PARP15: variants seen among roughly 807,000 people sequenced by gnomAD.
PARP15 encodes the protein poly(ADP-ribose) polymerase family member 15, also known as protein mono-ADP-ribosyltransferase PARP15.
A neutral mutation model predicts 62.1 loss-of-function variants in PARP15; 50 were observed. The observed-to-expected ratio is 0.81, with a 90% CI of 0.64 to 1.02. PARP15 has a LOEUF of 1.02. Ranked by LOEUF, PARP15 falls within the 50% of genes least tolerant of loss-of-function variation. PARP15 has a pLI of 0.00. For synonymous variants in PARP15, 309 were observed against 293.1 expected (o/e 1.05, Z -0.55); for missense variants, 820 against 826.5 (o/e 0.99, Z 0.10).
chr3:122,598,495 T>C (rs1163077874), intron 1 of PARP15, among the ~76,000 whole-genome samples: 1 of 151,692 alleles, frequency 6.6e-6, no homozygotes, highest in East Asian at 1.9e-4. Context: ...TTTGAGGGCC[T>C]CTCCATAGGG....
rs140979534 is a variant in PARP15, at chr3:122,588,778, G to A, written c.186+10925G>A. Among the ~76,000 whole-genome samples, 159 of 152,204 alleles carry A rather than the reference G, an allele frequency of 1.0e-3. 3 individuals carry two copies. The East Asian group carries it at 0.03, about 29-fold the overall frequency. On this transcript the variant is annotated intron_variant, in intron 1 of 11. Transcript: ENST00000464300. Reference sequence around the variant, plus strand: ...TCTGGTAACCACTACTATACTTTCTGTCTTCATGGATTTATATATTCTGGA... The same window carrying A: ...TCTGGTAACCACTACTATACTTTCTATCTTCATGGATTTATATATTCTGGA...
rs1937371021 is a variant in PARP15 at position 122,636,338 on chromosome 3, C to T, written c.*238C>T. 2.1e-6 allele frequency: 1 copy of T among 478,034 alleles called. No homozygotes were observed. Among genetic ancestry groups the T allele is most frequent in the African/African-American group, 1.9e-5 (1 of 51,936 alleles). The allele number at this position is 478,034 out of a possible 1,614,324, so 29.6% of individuals were successfully genotyped here. A position where few individuals can be genotyped will look rare whatever the true frequency, so the allele number is the denominator to read the frequency against. On this transcript the variant is annotated 3_prime_UTR_variant, in exon 12 of 12. Coordinates refer to ENST00000464300, the MANE Select transcript of PARP15 (RefSeq NM_001113523.3). ...TAAATGTCACAGAGCTACAACCATTCACAGACACCAAATCTCTAGGAGAAT... is the reference window on the plus strand; with the variant it reads ...TAAATGTCACAGAGCTACAACCATTTACAGACACCAAATCTCTAGGAGAAT...
At position 122,638,146 on chromosome 3, in the gene PARP15, T is replaced by C. The variant is rs1253238693; in HGVS notation, c.*2046T>C. The C allele has an allele frequency of 1.3e-5, 2 of 152,106 alleles. No individual in the cohort carries two copies. Among genetic ancestry groups the C allele is most frequent in the Admixed American group, 1.3e-4 (2 of 15,278 alleles). 9.4% of individuals were successfully genotyped at this position (152,106 alleles called of 1,614,324 possible). The stretch of plus-strand genomic sequence containing the variant: ...ACATGAACTCATCATTTTTTATGGC[T>C]GCATAGTATTCCATGGTGTATATGT... On this transcript the variant is annotated 3_prime_UTR_variant, in exon 12 of 12. Coordinates refer to ENST00000464300, the MANE Select transcript of PARP15 (RefSeq NM_001113523.3).
chr3:122,618,878 A>G (rs1936158247), intron 6 of PARP15, among the ~76,000 whole-genome samples: 1 of 152,150 alleles, frequency 6.6e-6, no homozygotes, highest in Admixed American at 6.5e-5. Context: ...TCTTGCATAG[A>G]GCTTCTAAGC....
At chr3:122,607,895 A>G (rs1172465627) in intron 2 of PARP15, among the ~76,000 whole-genome samples, 1 of 152,166 alleles carries the variant, frequency 6.6e-6, no homozygotes, top group African/African-American at 2.4e-5. Flanking sequence ...GTTTCGGTAC[A>G]CACCACTCCC....
intron 8 of PARP15, among the ~76,000 whole-genome samples, chr3:122,624,434 T>C (rs1381770108): frequency 6.6e-6 from 1 of 152,322 alleles, no homozygotes; most frequent in Admixed American, 6.5e-5. Context: ...AGGCAGCCTC[T>C]CTGCTCTGGG....
intron 1 of PARP15, among the ~76,000 whole-genome samples, chr3:122,597,533 A>G (rs1303419585): frequency 1.3e-5 from 2 of 152,140 alleles, no homozygotes; most frequent in Non-Finnish European, 2.9e-5. Flanking sequence ...AAGTGCTGGG[A>G]TTACAGATGT....
chr3:122,610,313 A>G (rs2173763), intron 2 of PARP15, among the ~76,000 whole-genome samples, 181 bp from the exon 3 acceptor site: 32,992 of 152,158 alleles, frequency 0.22, 7,317 homozygotes, highest in African/African-American at 0.57. Flanking sequence ...TTTTGGAAGT[A>G]ACCTCATCAT....
chr3:122,615,798 C>T lies in PARP15; in HGVS notation c.791C>T (p.Thr264Ile), dbSNP rs762604230. ...TTCCAGGCATTTTTAGATGAATTCACTAACTGGTCAAGAATAAATCCCAAC... is the reference window on the plus strand; with the variant it reads ...TTCCAGGCATTTTTAGATGAATTCATTAACTGGTCAAGAATAAATCCCAAC... ...EGCQAFLDEF[T>I]NWSRINPNKA... is the part of the protein sequence containing the mutation. The change falls in exon 5 of 12, where the codon ACT becomes ATT. Residue 264 changes from threonine (T) to isoleucine (I), a missense_variant. Transcript: ENST00000464300. The T allele has an allele frequency of 9.9e-6, 16 of 1,613,376 alleles. No individual in the cohort carries two copies. Among genetic ancestry groups the T allele is most frequent in the Non-Finnish European group, 1.4e-5 (16 of 1,179,376 alleles).
At position 122,621,562 on chromosome 3, in the gene PARP15, G is replaced by C; in HGVS notation, c.1182G>C (p.Glu394Asp). 6.2e-7 allele frequency: 1 copy of C among 1,613,302 alleles called. No homozygotes were observed. Among genetic ancestry groups the C allele is most frequent in the Non-Finnish European group, 8.5e-7 (1 of 1,179,774 alleles). Residue 394 changes from glutamate to aspartate, a missense_variant, in exon 8 of 12, where the codon GAG becomes GAC. Glu to Asp is a conservative substitution (Grantham distance 45). Around this residue, in one of 3 missense-constraint regions of PARP15, gnomAD observed 731 missense variants for 727.7 expected, o/e 1.00. Transcript: ENST00000464300. ...VRKTVTSVLE[E>D]CEQRKYTSVS... is the part of the protein sequence containing the mutation. ...AAACGGTCACCAGTGTTCTAGAAGA[G>C]TGTGAACAGAGGAAGTACACATCGG...
In PARP15 at chr3:122,638,768, GT is replaced by G. The variant is rs1181953094; in HGVS notation, c.*2669del. ...TGTAGGTTGCCTGTTCACTCTGATG[GT>G]AGTTTCTTTTGTTGTACAGAAGCTC... On this transcript the variant is annotated 3_prime_UTR_variant, in exon 12 of 12. Transcript: ENST00000464300. 6.6e-6 allele frequency: 1 copy of G among 151,972 alleles called. No individual in the cohort carries two copies. Among genetic ancestry groups the G allele is most frequent in the Non-Finnish European group, 1.5e-5 (1 of 67,996 alleles). The allele number at this position is 151,972 out of a possible 1,614,324, so 9.4% of individuals were successfully genotyped here.
intron 8 of PARP15, among the ~76,000 whole-genome samples, chr3:122,623,233 C>G (rs1936465912): frequency 1.3e-5 from 2 of 152,218 alleles, no homozygotes; most frequent in Admixed American, 1.3e-4. Flanking sequence ...CAAATTACAG[C>G]TCTCACAAAC....
chr3:122,610,413 C>A, intron 2 of PARP15, 81 bp from the exon 3 acceptor site: 1 of 1,268,514 alleles, frequency 7.9e-7, no homozygotes, highest in Non-Finnish European at 1.1e-6. Context: ...GTACATTACC[C>A]CACAATACTT....
At chr3:122,605,069 A>C (rs900850092) in intron 1 of PARP15, among the ~76,000 whole-genome samples, 10 of 151,866 alleles carry the variant, frequency 6.6e-5, no homozygotes, top group African/African-American at 2.2e-4. Context: ...AAGAAAGTAA[A>C]GGAAACTGGT....
Position 122,610,705 on chromosome 3 carries a change from A to G in PARP15, c.518A>G (p.Asn173Ser). Reference sequence around the variant, plus strand: ...CTCCATGCTGTGGCTCCATACTGGAATAATGGAGCAGAGACTTCTTGGCAG... The same window carrying G: ...CTCCATGCTGTGGCTCCATACTGGAGTAATGGAGCAGAGACTTCTTGGCAG... ...AVLHAVAPYWNNGAETSWQIM... is the reference protein window; with the variant it reads ...AVLHAVAPYWSNGAETSWQIM... Residue 173 changes from asparagine to serine, a missense_variant, in exon 3 of 12, where the codon AAT becomes AGT. By Grantham distance (46) the Asn-to-Ser change is conservative. This residue lies in a region of PARP15 where 731 missense variants were observed against 727.7 expected (regional missense o/e 1.00). Coordinates refer to ENST00000464300, the MANE Select transcript of PARP15 (RefSeq NM_001113523.3). The G allele has an allele frequency of 6.5e-7, 1 of 1,533,250 alleles. No homozygotes were observed. The highest frequency in any genetic ancestry group is 8.8e-7 in the Non-Finnish European group (1 of 1,138,452). 95.0% of individuals were successfully genotyped at this position (1,533,250 alleles called of 1,614,324 possible).
At chr3:122,578,557 A>G (rs1008145909) in intron 1 of PARP15, among the ~76,000 whole-genome samples, 3 of 151,934 alleles carry the variant, frequency 2.0e-5, no homozygotes, top group Non-Finnish European at 4.4e-5. Flanking sequence ...TGGTTCGGGT[A>G]TTTCTGGACC....
At chr3:122,608,770 T>G (rs1051998053) in intron 2 of PARP15, among the ~76,000 whole-genome samples, 5 of 145,202 alleles carry the variant, frequency 3.4e-5, no homozygotes, top group African/African-American at 5.1e-5. Flanking sequence ...CAAGGTTACT[T>G]TTTTTTTTTT....
At chr3:122,590,133 G>A (rs925497154) in intron 1 of PARP15, among the ~76,000 whole-genome samples, 8 of 151,772 alleles carry the variant, frequency 5.3e-5, no homozygotes, top group South Asian at 4.2e-4. Flanking sequence ...TGATCCACCC[G>A]CCTCGGCCTC....
chr3:122,586,496 C>G (rs35919634), intron 1 of PARP15, among the ~76,000 whole-genome samples: 5,221 of 146,702 alleles, frequency 0.036, 111 homozygotes, highest in Non-Finnish European at 0.053. Flanking sequence ...AGGCATGAGC[C>G]AACATGCCCA....
Sources: allele counts gnomAD v4.1 joint callset (sites outside exome capture counted in the v4.1 genomes callset), GRCh38; gene constraint gnomAD v4.1.1; regional missense constraint gnomAD v4.1.1; transcripts MANE v1.5; gene names NCBI Gene and HGNC (gene_info 2026-07-23, HGNC 2026-07-21).